The following MTUS2 variants were observed in gnomAD, a reference collection of about 807,000 sequenced individuals.
MTUS2 encodes the protein microtubule associated scaffold protein 2, also known as microtubule-associated tumor suppressor candidate 2.
MTUS2 carries 40 observed loss-of-function variants against 114.1 expected under a neutral mutation model. The observed-to-expected ratio is 0.35, with a 90% CI of 0.27 to 0.46. MTUS2 has a LOEUF of 0.46. MTUS2 is among the 20% of genes least tolerant of loss of function. MTUS2 has a pLI of 1.00. For missense variants in MTUS2, 1,679 were observed against 1,705.4 expected, an observed-to-expected ratio of 0.98 and a Z score of 0.27; for synonymous variants, 688 against 672.0, an observed-to-expected ratio of 1.02 and a Z score of -0.37.
chr13:29,197,780 T>C (rs1894764658), intron 5 of MTUS2, among the ~76,000 whole-genome samples: 1 of 152,222 alleles, frequency 6.6e-6, no homozygotes, highest in Admixed American at 6.5e-5. Context: ...TATCTCATTG[T>C]GGTTTTGATT....
At chr13:29,372,254 C>T (rs181314535) in intron 8 of MTUS2, among the ~76,000 whole-genome samples, 10 of 151,864 alleles carry the variant, frequency 6.6e-5, no homozygotes, top group Middle Eastern at 3.4e-3. Flanking sequence ...TGATTTATCA[C>T]GTCTAGCAGC....
chr13:29,034,226 TAAG>T, intron 4 of MTUS2, 101 bp downstream of exon 4: 1 of 1,485,308 alleles, frequency 6.7e-7, no homozygotes, highest in South Asian at 1.2e-5. Flanking sequence ...TTTCATCCTT[TAAG>T]GAGAGCCTTT....
intron 2 of MTUS2, among the ~76,000 whole-genome samples, chr13:28,959,125 A>G (rs1042869700): frequency 6.6e-6 from 1 of 152,210 alleles, no homozygotes; most frequent in African/African-American, 2.4e-5. Context: ...GCCCATGGAT[A>G]CAGAGGAAAA....
intron 3 of MTUS2, among the ~76,000 whole-genome samples, chr13:29,028,519 A>T (rs1886668433): frequency 6.7e-6 from 1 of 148,770 alleles, no homozygotes; most frequent in Non-Finnish European, 1.5e-5. Context: ...TCCCTTTCTC[A>T]CTCTGCTGCT....
intron 1 of MTUS2, among the ~76,000 whole-genome samples, chr13:28,827,807 C>T (rs535500818): frequency 2.6e-5 from 4 of 152,112 alleles, no homozygotes; most frequent in East Asian, 3.9e-4. Context: ...AGGGAGTGTA[C>T]GAATAGTGTG....
At chr13:29,424,364 C>G (rs1195071039) in intron 8 of MTUS2, among the ~76,000 whole-genome samples, 2 of 151,850 alleles carry the variant, frequency 1.3e-5, no homozygotes, top group Non-Finnish European at 2.9e-5. Context: ...AAATGTATAT[C>G]AAAGAAGTCA....
intron 9 of MTUS2, among the ~76,000 whole-genome samples, chr13:29,463,774 A>T (rs1240673702): frequency 6.6e-6 from 1 of 152,172 alleles, no homozygotes; most frequent in Non-Finnish European, 1.5e-5. Flanking sequence ...CGAGGCGGGC[A>T]TATCACTTGA....
chr13:29,288,391 G>A (rs1178661162), intron 6 of MTUS2, among the ~76,000 whole-genome samples: 2 of 152,150 alleles, frequency 1.3e-5, no homozygotes, highest in African/African-American at 4.8e-5. Flanking sequence ...CAGCAGCTGA[G>A]GAAATGGAAG....
At chr13:28,962,925 C>G (rs1444597084) in intron 2 of MTUS2, among the ~76,000 whole-genome samples, 2 of 152,154 alleles carry the variant, frequency 1.3e-5, no homozygotes, top group African/African-American at 2.4e-5. Flanking sequence ...TCTGATGGGT[C>G]CTCTATCCTG....
chr13:29,104,053 G>A (rs1369087151), intron 5 of MTUS2, among the ~76,000 whole-genome samples: 1 of 152,164 alleles, frequency 6.6e-6, no homozygotes, highest in African/African-American at 2.4e-5. Flanking sequence ...TGAGATGGCA[G>A]GACCATTTGG....
At chr13:29,454,717 C>T (rs887714277) in intron 9 of MTUS2, among the ~76,000 whole-genome samples, 5 of 152,170 alleles carry the variant, frequency 3.3e-5, no homozygotes, top group African/African-American at 7.2e-5. Flanking sequence ...CAAAGTCAGT[C>T]GTGTGCTGTA....
intron 5 of MTUS2, among the ~76,000 whole-genome samples, chr13:29,168,931 TAATGCCA>T (rs1893437407): frequency 6.9e-6 from 1 of 145,692 alleles, no homozygotes; most frequent in African/African-American, 2.6e-5. Flanking sequence ...GAATATGTTA[TAATGCCA>T]GTATCATTTC....
In MTUS2 at chr13:29,258,761, A is replaced by C. The variant is rs113193267; in HGVS notation, c.2645-22943A>C. Among the ~76,000 whole-genome samples the C allele has an allele frequency of 2.0e-3, 298 of 152,288 alleles. 2 individuals carry two copies. The highest frequency in any genetic ancestry group is 6.7e-3 in the African/African-American group (280 of 41,544). ...GAAACAATTTATTTCTCTTCTGCTT[A>C]AGCCTGAGGGCTGCAGACTGACCCA... On this transcript the variant is annotated intron_variant, in intron 5 of 15. Transcript: ENST00000612955.
intron 2 of MTUS2, among the ~76,000 whole-genome samples, chr13:28,894,303 AGGGGGGGGGGGAGGGAGGGAGG>A (rs1879121221): frequency 3.1e-4 from 1 of 3,208 alleles, no homozygotes. Flanking sequence ...AGAGAGAGAG[AGGGGGGGGGGGAGGGAGGGAGG>A]GAGGGAGAGA....
At chr13:28,961,213 A>G (rs1057488222) in intron 2 of MTUS2, among the ~76,000 whole-genome samples, 2 of 152,196 alleles carry the variant, frequency 1.3e-5, no homozygotes, top group Admixed American at 6.5e-5. Flanking sequence ...AAATTACTCA[A>G]ATAGTGGCTG....
At chr13:29,277,611 G>A (rs1463163258) in intron 5 of MTUS2, among the ~76,000 whole-genome samples, 2 of 152,198 alleles carry the variant, frequency 1.3e-5, no homozygotes, top group Non-Finnish European at 2.9e-5. Flanking sequence ...GCCTCACGTG[G>A]CAGACAGTGG....
At chr13:29,039,065 A>G (rs1185218585) in intron 4 of MTUS2, among the ~76,000 whole-genome samples, 1 of 152,162 alleles carries the variant, frequency 6.6e-6, no homozygotes, top group Non-Finnish European at 1.5e-5. Flanking sequence ...TGCTGGATAG[A>G]CCCAGCCAGG....
At chr13:29,050,958 G>A (rs1236303617) in intron 4 of MTUS2, among the ~76,000 whole-genome samples, 1 of 152,146 alleles carries the variant, frequency 6.6e-6, no homozygotes, top group East Asian at 1.9e-4. Context: ...TAGGGAGGTG[G>A]GTGATGTACA....
intron 8 of MTUS2, among the ~76,000 whole-genome samples, chr13:29,360,522 A>T (rs9508406): frequency 0.75 from 113,609 of 152,012 alleles, 42,668 homozygotes; most frequent in South Asian, 0.83. Flanking sequence ...AAATGACAAG[A>T]TGAGTAGACA....
Sources: gnomAD v4.1 joint callset for allele counts (sites outside exome capture counted in the v4.1 genomes callset) on GRCh38, gnomAD v4.1.1 for gene constraint, MANE v1.5 for transcripts, NCBI Gene and HGNC (gene_info 2026-07-23, HGNC 2026-07-21) for gene names.